DLGAP2: variants seen among roughly 807,000 people sequenced by gnomAD.
The protein encoded by DLGAP2 is disks large-associated protein 2.
Under a neutral mutation model 100.3 loss-of-function variants are expected in DLGAP2, and 26 were observed. That is an observed-to-expected ratio of 0.26 (90% CI 0.19 to 0.36). DLGAP2 has a LOEUF of 0.36. DLGAP2 is among the 10% of genes least tolerant of loss of function. DLGAP2 has a pLI of 1.00. For synonymous variants in DLGAP2, 886 were observed against 630.1 expected (o/e 1.41, Z -6.08); for missense variants, 1,858 against 1,453.2 (o/e 1.28, Z -4.53).
At chr8:871,029 C>T (rs1797587306) in intron 1 of DLGAP2, among the ~76,000 whole-genome samples, 1 of 152,232 alleles carries the variant, frequency 6.6e-6, no homozygotes, top group South Asian at 2.1e-4. Context: ...AAAAGGGACT[C>T]AGTGGTCCCC....
rs908954268 is a variant in DLGAP2, at chr8:819,370, G to A, written c.18+81545G>A. Among the ~76,000 whole-genome samples the A allele has an allele frequency of 9.2e-5, 14 of 152,290 alleles. No homozygotes were observed. In the South Asian group the frequency reaches 1.0e-3, roughly 11 times the overall value. Reference sequence around the variant, plus strand: ...GAAAGAGAAATGGCAGGAAACTTCCGTGAAACAGGTCAAGATATGATCAGA... The same window carrying A: ...GAAAGAGAAATGGCAGGAAACTTCCATGAAACAGGTCAAGATATGATCAGA... On this transcript the variant is annotated intron_variant, in intron 1 of 14. Transcript: ENST00000637795.
At chr8:1,554,858 C>T (rs978658493) in intron 5 of DLGAP2, among the ~76,000 whole-genome samples, 5 of 151,898 alleles carry the variant, frequency 3.3e-5, no homozygotes, top group Non-Finnish European at 5.9e-5. Flanking sequence ...CTTTCAACTC[C>T]AGAAAACCAA....
intron 3 of DLGAP2, among the ~76,000 whole-genome samples, chr8:1,440,776 G>C (rs1563150935): frequency 6.6e-6 from 1 of 152,218 alleles, no homozygotes. Flanking sequence ...TGAACCTGCA[G>C]ATGAGGCTGG....
At chr8:1,587,984 G>A (rs982348281) in intron 6 of DLGAP2, among the ~76,000 whole-genome samples, 1 of 152,136 alleles carries the variant, frequency 6.6e-6, no homozygotes, top group Non-Finnish European at 1.5e-5. Context: ...TGTGACACGT[G>A]CATTCCTGCC....
At chr8:1,144,011 C>G (rs113748551) in intron 2 of DLGAP2, among the ~76,000 whole-genome samples, 4,587 of 152,304 alleles carry the variant, frequency 0.03, 115 homozygotes, top group Non-Finnish European at 0.041. Flanking sequence ...AGACCATATT[C>G]CCCACAAAGC....
chr8:1,317,504 T>C (rs1800786138), intron 3 of DLGAP2, among the ~76,000 whole-genome samples: 1 of 140,208 alleles, frequency 7.1e-6, no homozygotes, highest in African/African-American at 2.9e-5. Context: ...CTCGAGACAC[T>C]TGGCAGCGTT....
chr8:1,303,611 G>A (rs981687089), intron 3 of DLGAP2, among the ~76,000 whole-genome samples: 1 of 152,074 alleles, frequency 6.6e-6, no homozygotes, highest in Non-Finnish European at 1.5e-5. Context: ...CGGAGAATCA[G>A]TAGAAAGTCC....
chr8:892,481 A>G (rs1462366462), intron 1 of DLGAP2, among the ~76,000 whole-genome samples: 9 of 152,222 alleles, frequency 5.9e-5, no homozygotes, highest in East Asian at 1.9e-4. Context: ...CACTCATACA[A>G]TGCCCCTGGG....
At position 1,181,421 on chromosome 8, in the gene DLGAP2, T is replaced by C. The variant is rs913728806; in HGVS notation, c.74-77430T>C. 2.0e-5 allele frequency among the ~76,000 whole-genome samples: 3 copies of C among 152,190 alleles called. No individual in the cohort carries two copies. In the East Asian group the frequency reaches 5.8e-4, roughly 29 times the overall value. On this transcript the variant is annotated intron_variant, in intron 2 of 14. Coordinates refer to ENST00000637795, the MANE Select transcript of DLGAP2 (RefSeq NM_001346810.2). ...TAATGGCCTCCAGCTCCATCCATGT[T>C]CCTGCAGGGCACGTGATCTCATTCT...
At chr8:1,359,670 C>T (rs1328579049) in intron 3 of DLGAP2, among the ~76,000 whole-genome samples, 3 of 152,206 alleles carry the variant, frequency 2.0e-5, no homozygotes, top group Non-Finnish European at 4.4e-5. Context: ...AGATAGCCAT[C>T]CCCTCCCAAT....
intron 3 of DLGAP2, among the ~76,000 whole-genome samples, chr8:1,364,515 G>A (rs1471229697): frequency 1.4e-5 from 2 of 147,466 alleles, no homozygotes; most frequent in Non-Finnish European, 1.5e-5. Context: ...GGGGGGTGCA[G>A]CGAAGCAGAC....
rs1796017336 is a variant in DLGAP2 at position 795,769 on chromosome 8, C to CGTCCGGTGAGAGCAGCT, written c.18+57948_18+57949insGGTGAGAGCAGCTGTCC. On this transcript the variant is annotated intron_variant, in intron 1 of 14. Coordinates refer to ENST00000637795, the MANE Select transcript of DLGAP2 (RefSeq NM_001346810.2). Reference sequence around the variant, plus strand: ...AGAACAGGCGTCCAGTGAGAGCAGGCGTCCAGTGAGAGCAGGCGTCCGGTG... The same window carrying CGTCCGGTGAGAGCAGCT: ...AGAACAGGCGTCCAGTGAGAGCAGGCGTCCGGTGAGAGCAGCTGTCCAGTGAGAGCAGGCGTCCGGTG... Among the ~76,000 whole-genome samples the CGTCCGGTGAGAGCAGCT allele has an allele frequency of 1.6e-5, 2 of 127,192 alleles. 1 individual carries two copies. The highest frequency in any genetic ancestry group is 3.3e-5 in the Non-Finnish European group (2 of 60,420). The allele number at this position is 127,192 out of a possible 152,430, so 83.4% of individuals were successfully genotyped here.
intron 1 of DLGAP2, among the ~76,000 whole-genome samples, chr8:837,499 C>T (rs781397284): frequency 1.3e-5 from 2 of 152,020 alleles, no homozygotes; most frequent in Admixed American, 6.6e-5. Flanking sequence ...ATTTTTATAG[C>T]GTGTTCATCA....
chr8:1,298,092 G>A (rs1461802330), intron 3 of DLGAP2, among the ~76,000 whole-genome samples: 5 of 125,956 alleles, frequency 4.0e-5, no homozygotes, highest in Admixed American at 2.5e-4. Flanking sequence ...CAGACACCAC[G>A]TGAGACAGGG....
Position 1,429,957 on chromosome 8 carries a change from A to T in DLGAP2, c.107-71409A>T, listed in dbSNP as rs189800360. Among the ~76,000 whole-genome samples the T allele has an allele frequency of 8.4e-4, 105 of 124,790 alleles. 1 individual carries two copies. The highest frequency in any genetic ancestry group is 2.8e-3 in the African/African-American group (100 of 35,888). The allele number at this position is 124,790 out of a possible 152,430, so 81.9% of individuals were successfully genotyped here. A position where few individuals can be genotyped will look rare whatever the true frequency, so the allele number is the denominator to read the frequency against. On this transcript the variant is annotated intron_variant, in intron 3 of 14. Transcript: ENST00000637795. ...GCTTAATTTTCAGATATGCACCTGA[A>T]AATATCATCCTGCAGAATGAAAGCA...
intron 1 of DLGAP2, among the ~76,000 whole-genome samples, chr8:796,690 C>A (rs1461540846): frequency 6.6e-6 from 1 of 152,162 alleles, no homozygotes; most frequent in Admixed American, 6.5e-5. Context: ...ATTTAAACTC[C>A]CCTGCTGGCT....
chr8:1,636,953 G>A (rs1348844624), intron 8 of DLGAP2, among the ~76,000 whole-genome samples: 3 of 152,244 alleles, frequency 2.0e-5, no homozygotes, highest in Non-Finnish European at 4.4e-5. Flanking sequence ...AGGTGTGTTG[G>A]GACACACAGG....
chr8:1,678,242 G>A lies in DLGAP2; in HGVS notation c.2317G>A (p.Val773Ile), dbSNP rs34274599. Reference sequence around the variant, plus strand: ...CGGACGTTTTAAACGTTCTAACAGCGTCACGGCCGCCGTCCAAGCTGACCT... The same window carrying A: ...CGGACGTTTTAAACGTTCTAACAGCATCACGGCCGCCGTCCAAGCTGACCT... ...RHGRFKRSNS[V>I]TAAVQADLEL... The change falls in exon 12 of 15, where the codon GTC becomes ATC. Residue 773 changes from valine (V) to isoleucine (I), a missense_variant. Transcript: ENST00000637795. The A allele has an allele frequency of 2.4e-5, 39 of 1,613,400 alleles. No individual in the cohort carries two copies. Among genetic ancestry groups the A allele is most frequent in the East Asian group, 6.7e-5 (3 of 44,878 alleles).
Position 744,116 on chromosome 8 carries a change from G to A in DLGAP2, c.18+6291G>A, listed in dbSNP as rs74951302. Among the ~76,000 whole-genome samples the A allele has an allele frequency of 5.9e-3, 901 of 152,318 alleles. 7 individuals carry two copies. The highest frequency in any genetic ancestry group is 9.2e-3 in the Non-Finnish European group (624 of 68,032). Reference sequence around the variant, plus strand: ...AGTCTATGGATGGAGCCATCATCGTGGTTCTCTCAGACCCAGCGCCGCTTC... The same window carrying A: ...AGTCTATGGATGGAGCCATCATCGTAGTTCTCTCAGACCCAGCGCCGCTTC... On this transcript the variant is annotated intron_variant, in intron 1 of 14. Coordinates refer to ENST00000637795, the MANE Select transcript of DLGAP2 (RefSeq NM_001346810.2).
Sources: gnomAD v4.1 joint callset for allele counts (sites outside exome capture counted in the v4.1 genomes callset) on GRCh38, gnomAD v4.1.1 for gene constraint, MANE v1.5 for transcripts, NCBI Gene and HGNC (gene_info 2026-07-23, HGNC 2026-07-21) for gene names.